The following FSD1L variants were observed in gnomAD, a reference collection of about 807,000 sequenced individuals.
The protein encoded by FSD1L is fibronectin type III and SPRY domain containing 1 like.
In FSD1L, 45 loss-of-function variants were observed where a neutral mutation model predicts 71.6. That is an observed-to-expected ratio of 0.63 (90% CI 0.49 to 0.81). FSD1L has a LOEUF of 0.81. Ranked by LOEUF, FSD1L falls within the 30% of genes least tolerant of loss-of-function variation. The pLI, the probability that FSD1L is intolerant of heterozygous loss-of-function variation, is 0.00. For missense variants in FSD1L, 561 were observed against 618.1 expected (o/e 0.91, Z 0.98); for synonymous variants, 197 against 207.2 (o/e 0.95, Z 0.42).
chr9:105,512,786 T>C (rs1375825930), intron 9 of FSD1L, 21 bp from the exon 10 acceptor site: 1 of 1,350,090 alleles, frequency 7.4e-7, no homozygotes, highest in East Asian at 2.6e-5. Context: ...TAAAAATATA[T>C]TTAAATATTA....
intron 2 of FSD1L, among the ~76,000 whole-genome samples, chr9:105,462,000 G>T (rs1340627177): frequency 6.6e-6 from 1 of 151,634 alleles, no homozygotes; most frequent in Non-Finnish European, 1.5e-5. Flanking sequence ...GGGAGCTCAG[G>T]TCTTATCTAG....
intron 1 of FSD1L, among the ~76,000 whole-genome samples, chr9:105,452,409 TAA>T: frequency 6.6e-6 from 1 of 152,222 alleles, no homozygotes; most frequent in Non-Finnish European, 1.5e-5. Context: ...CCAGAGAGGT[TAA>T]GTGTCTTGTT....
At position 105,549,689 on chromosome 9, in the gene FSD1L, T is replaced by C. The variant is rs1837190628; in HGVS notation, c.*3206T>C. On this transcript the variant is annotated 3_prime_UTR_variant, in exon 14 of 14. Coordinates refer to ENST00000481272, the MANE Select transcript of FSD1L (RefSeq NM_001145313.3). ...TTATGAAATTAAAGCATGAATAATA[T>C]GTATAATTTGAATTTTTTGTGACTG... 1 of 152,048 alleles carries C rather than the reference T, an allele frequency of 6.6e-6. No individual in the cohort carries two copies. 9.4% of individuals were successfully genotyped at this position (152,048 alleles called of 1,614,324 possible).
At chr9:105,533,462 G>T (rs1836051266) in intron 10 of FSD1L, among the ~76,000 whole-genome samples, 1 of 58,940 alleles carries the variant, frequency 1.7e-5, no homozygotes, top group African/African-American at 6.2e-5. Flanking sequence ...TAGCCCTGTT[G>T]CCCAGGCTGG....
At chr9:105,513,059 C>T (rs1834488549) in intron 10 of FSD1L, 123 bp downstream of exon 10, 5 of 725,774 alleles carry the variant, frequency 6.9e-6, no homozygotes, top group Non-Finnish European at 1.0e-5. Context: ...ATTAGTAGCA[C>T]CAAAGTGAAG....
chr9:105,513,695 C>A, intron 10 of FSD1L: 1 of 1,300,268 alleles, frequency 7.7e-7, no homozygotes, highest in Admixed American at 2.3e-5. Context: ...ATTAAAAAAA[C>A]TTTAATTTTA....
intron 5 of FSD1L, 43 bp downstream of exon 5, chr9:105,472,048 AT>A: frequency 1.4e-6 from 2 of 1,413,294 alleles, no homozygotes; most frequent in East Asian, 2.9e-5. Flanking sequence ...GGGAAGTTGT[AT>A]TTTTAAAAAG....
At chr9:105,488,379 A>G (rs935208253) in intron 7 of FSD1L, among the ~76,000 whole-genome samples, 1 of 152,216 alleles carries the variant, frequency 6.6e-6, no homozygotes, top group East Asian at 1.9e-4. Flanking sequence ...TTAGTATGGA[A>G]TAATAGTCCA....
At chr9:105,519,175 C>CA (rs1356778049) in intron 10 of FSD1L, among the ~76,000 whole-genome samples, 1 of 151,926 alleles carries the variant, frequency 6.6e-6, no homozygotes, top group East Asian at 1.9e-4. Flanking sequence ...GCCTAGCAAC[C>CA]AAAAAAAGTC....
chr9:105,531,706 A>T (rs982640244), intron 10 of FSD1L, among the ~76,000 whole-genome samples: 1 of 147,586 alleles, frequency 6.8e-6, no homozygotes, highest in Non-Finnish European at 1.5e-5. Context: ...GAATTGGGTA[A>T]TATTTGGTGA....
intron 7 of FSD1L, among the ~76,000 whole-genome samples, chr9:105,494,400 G>A (rs993551063): frequency 9.2e-5 from 14 of 151,938 alleles, no homozygotes; most frequent in South Asian, 2.1e-4. Flanking sequence ...TTATACATTC[G>A]TCTAAATTTT....
At chr9:105,519,977 G>A (rs555713700) in intron 10 of FSD1L, among the ~76,000 whole-genome samples, 7 of 152,248 alleles carry the variant, frequency 4.6e-5, no homozygotes, top group Non-Finnish European at 1.0e-4. Flanking sequence ...CCCTGGCCTG[G>A]ATCGGGGAGG....
upstream of FSD1L, among the ~76,000 whole-genome samples, chr9:105,446,942 C>G (rs118030491): frequency 2.0e-4 from 31 of 152,232 alleles, no homozygotes; most frequent in East Asian, 6.0e-3. Flanking sequence ...AGAACTTTCT[C>G]AAGCCTACTA....
intron 13 of FSD1L, among the ~76,000 whole-genome samples, chr9:105,540,550 G>A (rs1017088103): frequency 9.9e-5 from 15 of 152,062 alleles, no homozygotes; most frequent in Non-Finnish European, 1.6e-4. Flanking sequence ...GATATAGACT[G>A]CATTTACAAT....
intron 7 of FSD1L, among the ~76,000 whole-genome samples, chr9:105,499,855 T>A (rs1385366028): frequency 6.6e-6 from 1 of 152,206 alleles, no homozygotes; most frequent in Non-Finnish European, 1.5e-5. Context: ...TTTTGGATAT[T>A]CTGTTCTGTG....
intron 8 of FSD1L, 39 bp from the exon 9 acceptor site, chr9:105,508,578 T>C (rs1339654502): frequency 1.7e-6 from 2 of 1,190,620 alleles, no homozygotes; most frequent in East Asian, 5.2e-5. Flanking sequence ...TAGAATCCTT[T>C]ACTGTACATG....
At chr9:105,463,429 T>G (rs1312278333) in intron 2 of FSD1L, among the ~76,000 whole-genome samples, 1 of 152,230 alleles carries the variant, frequency 6.6e-6, no homozygotes, top group Non-Finnish European at 1.5e-5. Flanking sequence ...TTACTGCAAC[T>G]AGACTTGTGC....
chr9:105,543,749 A>G (rs1836788112), intron 13 of FSD1L, among the ~76,000 whole-genome samples: 1 of 152,154 alleles, frequency 6.6e-6, no homozygotes, highest in Non-Finnish European at 1.5e-5. Context: ...ATGTCCCTAC[A>G]AAGGACATGA....
At chr9:105,506,735 G>A in intron 8 of FSD1L, 127 bp downstream of exon 8, 1 of 619,054 alleles carries the variant, frequency 1.6e-6, no homozygotes, top group Non-Finnish European at 2.7e-6. Context: ...TAGATACTCA[G>A]TATGGAAGTG....
Sources: gnomAD v4.1 joint callset for allele counts (sites outside exome capture counted in the v4.1 genomes callset) on GRCh38, gnomAD v4.1.1 for gene constraint, MANE v1.5 for transcripts, NCBI Gene and HGNC (gene_info 2026-07-23, HGNC 2026-07-21) for gene names.